ZNF618: variants seen among roughly 807,000 people sequenced by gnomAD.
The protein encoded by ZNF618 is neural precursor cell expressed, developmentally down-regulated 10.
Under a neutral mutation model 103.0 loss-of-function variants are expected in ZNF618, and 34 were observed. The ratio of observed to expected loss-of-function variants is 0.33; its 90% confidence interval spans 0.25 to 0.44. The LOEUF is 0.44. ZNF618 is among the 20% of genes least tolerant of loss of function. ZNF618 has a pLI of 1.00. For missense variants in ZNF618, 1,059 were observed against 1,295.4 expected (o/e 0.82, Z 2.80); for synonymous variants, 551 against 542.2 (o/e 1.02, Z -0.23).
chr9:113,981,955 A>C (rs1790959299), intron 2 of ZNF618, among the ~76,000 whole-genome samples: 1 of 152,166 alleles, frequency 6.6e-6, no homozygotes, highest in African/African-American at 2.4e-5. Context: ...AATGCCAAGC[A>C]TGATGAGGTG....
Position 114,049,805 on chromosome 9 carries a change from G to A in ZNF618, c.2503G>A (p.Glu835Lys), listed in dbSNP as rs1214049575. Residue 835 changes from glutamate (E) to lysine (K), a missense_variant, in exon 15 of 15, where the codon GAG becomes AAG. This residue lies in a region of ZNF618 where 156 missense variants were observed against 197.1 expected (regional missense o/e 0.79). Coordinates refer to ENST00000374126, the MANE Select transcript of ZNF618 (RefSeq NM_001318042.2). ...CGGCAAGGTCTGTGAGCTCATCAAC[G>A]AGGTGAAGGAGTCCTGGGCCGAGGA... ...IIGKVCELIN[E>K]VKESWAEEAD... 3 of 1,613,902 alleles carry A rather than the reference G, an allele frequency of 1.9e-6. No homozygotes were observed. Among genetic ancestry groups the A allele is most frequent in the Non-Finnish European group, 2.5e-6 (3 of 1,179,918 alleles).
At chr9:113,884,802 G>C (rs901450928) in intron 1 of ZNF618, among the ~76,000 whole-genome samples, 1 of 151,828 alleles carries the variant, frequency 6.6e-6, no homozygotes, top group Non-Finnish European at 1.5e-5. Context: ...GAGAGAGAGA[G>C]AGAGAGAGAG....
intron 1 of ZNF618, among the ~76,000 whole-genome samples, chr9:113,956,200 ACT>A (rs1836268516): frequency 7.5e-6 from 1 of 133,156 alleles, no homozygotes; most frequent in African/African-American, 3.0e-5. Context: ...CGAGAGTTAA[ACT>A]CTGTCTCAAA....
At chr9:113,964,479 C>A (rs1250075780) in intron 1 of ZNF618, among the ~76,000 whole-genome samples, 2 of 152,014 alleles carry the variant, frequency 1.3e-5, no homozygotes, top group Non-Finnish European at 2.9e-5. Context: ...CCTCCCCCAC[C>A]CTCACCGCTT....
At chr9:114,009,915 C>T (rs558162626) in intron 9 of ZNF618, among the ~76,000 whole-genome samples, 1 of 152,262 alleles carries the variant, frequency 6.6e-6, no homozygotes, top group Admixed American at 6.5e-5. Flanking sequence ...TGAAAGCATT[C>T]AGGAAACTGA....
At chr9:113,939,166 T>C (rs1324020387) in intron 1 of ZNF618, among the ~76,000 whole-genome samples, 1 of 152,212 alleles carries the variant, frequency 6.6e-6, no homozygotes, top group African/African-American at 2.4e-5. Flanking sequence ...TATTCCTGAC[T>C]TCAATTAGAG....
intron 1 of ZNF618, among the ~76,000 whole-genome samples, chr9:113,902,815 G>C (rs1287683398): frequency 6.6e-6 from 1 of 152,112 alleles, no homozygotes; most frequent in Non-Finnish European, 1.5e-5. Context: ...TAGTTTTCTG[G>C]CTATTATAAC....
At chr9:114,040,078 TAAATC>T (rs1845006018) in intron 13 of ZNF618, among the ~76,000 whole-genome samples, 1 of 151,498 alleles carries the variant, frequency 6.6e-6, no homozygotes, top group Non-Finnish European at 1.5e-5. Context: ...GAAAAAGTCT[TAAATC>T]AACCAATATT....
intron 3 of ZNF618, among the ~76,000 whole-genome samples, chr9:113,988,863 TC>T (rs1173656811): frequency 2.0e-4 from 30 of 152,308 alleles, no homozygotes; most frequent in Middle Eastern, 3.4e-3. Context: ...GCCCAGTGAA[TC>T]CCTTTGTCTG....
At position 114,028,794 on chromosome 9, in the gene ZNF618, A is replaced by C. The variant is rs1341628907; in HGVS notation, c.906A>C (p.Pro302=). The change falls in exon 11 of 15, where the codon CCA becomes CCC. Residue 302 remains proline, a synonymous_variant. Transcript: ENST00000374126. ...ACACGGGCTCTGAGTGTTCACATCC[A>C]GAGGTCTCCCCATCTCCACGCTTCG... The part of the protein sequence containing the change: ...DPDTGSECSH[P]EVSPSPRFVA... The C allele has an allele frequency of 1.3e-6, 2 of 1,550,484 alleles. No homozygotes were observed. Among genetic ancestry groups the C allele is most frequent in the African/African-American group, 2.7e-5 (2 of 73,056 alleles).
At chr9:113,926,117 A>T (rs1185492547) in intron 1 of ZNF618, among the ~76,000 whole-genome samples, 1 of 149,008 alleles carries the variant, frequency 6.7e-6, no homozygotes, top group African/African-American at 2.5e-5. Context: ...TGTTGGTAGG[A>T]TAATTTCACT....
At chr9:114,037,272 G>A (rs981234010) in intron 13 of ZNF618, among the ~76,000 whole-genome samples, 1 of 152,026 alleles carries the variant, frequency 6.6e-6, no homozygotes, top group Non-Finnish European at 1.5e-5. Flanking sequence ...TTTTCTATTG[G>A]CTCCGTCCTC....
intron 1 of ZNF618, among the ~76,000 whole-genome samples, chr9:113,945,537 T>A (rs1259336239): frequency 6.6e-6 from 1 of 152,208 alleles, no homozygotes; most frequent in Non-Finnish European, 1.5e-5. Flanking sequence ...AAATAGATGA[T>A]CAGTAAGTAT....
intron 11 of ZNF618, among the ~76,000 whole-genome samples, chr9:114,029,726 C>A (rs887015547): frequency 6.6e-6 from 1 of 152,234 alleles, no homozygotes; most frequent in East Asian, 1.9e-4. Flanking sequence ...TGCCCTCCCC[C>A]TCTGTAGCAC....
At chr9:113,944,078 C>T (rs1037738293) in intron 1 of ZNF618, among the ~76,000 whole-genome samples, 24 of 152,182 alleles carry the variant, frequency 1.6e-4, no homozygotes, top group African/African-American at 5.1e-4. Flanking sequence ...CCTGCTCACA[C>T]CTCGCCCTGC....
At chr9:114,013,579 C>T (rs10817556) in intron 9 of ZNF618, among the ~76,000 whole-genome samples, 47,562 of 151,912 alleles carry the variant, frequency 0.31, 8,545 homozygotes, top group East Asian at 0.65. Context: ...TACAGGCGCC[C>T]GCCACCACGC....
chr9:113,986,502 G>T (rs1047781221), intron 2 of ZNF618, among the ~76,000 whole-genome samples: 3 of 152,224 alleles, frequency 2.0e-5, no homozygotes, highest in Non-Finnish European at 2.9e-5. Flanking sequence ...TGCCAGCACG[G>T]TTGGGTTCTG....
At chr9:113,903,386 G>A (rs907227309) in intron 1 of ZNF618, among the ~76,000 whole-genome samples, 3 of 152,016 alleles carry the variant, frequency 2.0e-5, no homozygotes, top group Admixed American at 6.5e-5. Context: ...ACAACTGGGA[G>A]CCATTCATAC....
At chr9:113,956,239 A>G (rs1273622365) in intron 1 of ZNF618, among the ~76,000 whole-genome samples, 1 of 112,358 alleles carries the variant, frequency 8.9e-6, no homozygotes, top group African/African-American at 3.4e-5. Flanking sequence ...AAAAAAAAAA[A>G]GAAGAGCATT....
Sources: gnomAD v4.1 joint callset for allele counts (sites outside exome capture counted in the v4.1 genomes callset) on GRCh38, gnomAD v4.1.1 for gene constraint, gnomAD v4.1.1 regional missense constraint, MANE v1.5 for transcripts, NCBI Gene and HGNC (gene_info 2026-07-23, HGNC 2026-07-21) for gene names.